Variants in LHFPL6 observed in about 807,000 individuals in gnomAD.
LHFPL6 encodes LHFPL tetraspan subfamily member 6 protein.
A neutral mutation model predicts 20.6 loss-of-function variants in LHFPL6; 9 were observed. That is an observed-to-expected ratio of 0.44 (90% confidence interval 0.26 to 0.76). The LOEUF (loss-of-function observed/expected upper bound fraction) is 0.76. Among genes scored for constraint, LHFPL6 ranks in the 30% least tolerant of loss-of-function variants. The pLI is 0.20. For synonymous variants in LHFPL6, 105 were observed against 98.7 expected (o/e 1.06, Z -0.38); for missense variants, 218 against 253.5 (o/e 0.86, Z 0.95).
At chr13:39,379,871 T>C (rs1309806726) in intron 2 of LHFPL6, among the ~76,000 whole-genome samples, 1 of 152,204 alleles carries the variant, frequency 6.6e-6, no homozygotes, top group Admixed American at 6.5e-5. Flanking sequence ...GCCATCTACT[T>C]GTGGGAGTGC....
intron 3 of LHFPL6, among the ~76,000 whole-genome samples, chr13:39,364,215 G>C (rs562018217): frequency 1.3e-5 from 2 of 152,322 alleles, no homozygotes; most frequent in Middle Eastern, 3.4e-3. Flanking sequence ...CAGAGAAACC[G>C]GCCCTGGAAG....
At chr13:39,519,625 A>C (rs9532390) in intron 2 of LHFPL6, among the ~76,000 whole-genome samples, 12,403 of 152,244 alleles carry the variant, frequency 0.081, 582 homozygotes, top group East Asian at 0.23. Flanking sequence ...TTCTTTTAAG[A>C]CAGCTAAAAT....
chr13:39,545,406 T>C (rs897873235), intron 2 of LHFPL6, among the ~76,000 whole-genome samples: 2 of 152,060 alleles, frequency 1.3e-5, no homozygotes, highest in Non-Finnish European at 2.9e-5. Context: ...TTTTACACCC[T>C]TGAATGCTGT....
intron 2 of LHFPL6, among the ~76,000 whole-genome samples, chr13:39,561,971 A>ACC (rs748308921): frequency 1.5e-4 from 23 of 152,336 alleles, no homozygotes; most frequent in South Asian, 4.1e-4. Flanking sequence ...CATAGTCAAT[A>ACC]ATTAGCAGGA....
intron 2 of LHFPL6, among the ~76,000 whole-genome samples, chr13:39,523,868 G>C (rs1395355916): frequency 6.6e-6 from 1 of 152,162 alleles, no homozygotes; most frequent in Non-Finnish European, 1.5e-5. Context: ...GAGGTTAATT[G>C]CATAGACGTT....
chr13:39,454,936 T>C (rs537068516), intron 2 of LHFPL6, among the ~76,000 whole-genome samples: 2 of 152,314 alleles, frequency 1.3e-5, no homozygotes, highest in East Asian at 3.9e-4. Flanking sequence ...TTATTGTAGA[T>C]TATAGAGTGT....
chr13:39,384,343 G>A (rs2138365023), intron 2 of LHFPL6, among the ~76,000 whole-genome samples: 1 of 152,310 alleles, frequency 6.6e-6, no homozygotes, highest in South Asian at 2.1e-4. Flanking sequence ...GTAGATTTCT[G>A]AAGAGGATAC....
chr13:39,503,861 C>T (rs1466656802), intron 2 of LHFPL6, among the ~76,000 whole-genome samples: 4 of 152,304 alleles, frequency 2.6e-5, no homozygotes, highest in Middle Eastern at 3.4e-3. Context: ...ATCAATTTCC[C>T]AGAATGTGCC....
At chr13:39,492,570 T>C (rs1288041052) in intron 2 of LHFPL6, among the ~76,000 whole-genome samples, 1 of 152,190 alleles carries the variant, frequency 6.6e-6, no homozygotes, top group East Asian at 1.9e-4. Context: ...GTGTTTCCTT[T>C]ATGCCTTTTT....
At chr13:39,373,058 T>C (rs1327634600) in intron 3 of LHFPL6, among the ~76,000 whole-genome samples, 1 of 152,180 alleles carries the variant, frequency 6.6e-6, no homozygotes, top group Non-Finnish European at 1.5e-5. Flanking sequence ...TCCGCCTGTA[T>C]AATACTTCCT....
chr13:39,348,136 T>A (rs1337629900), intron 3 of LHFPL6, among the ~76,000 whole-genome samples: 1 of 152,144 alleles, frequency 6.6e-6, no homozygotes, highest in East Asian at 1.9e-4. Flanking sequence ...GAGAAGTCAA[T>A]AAAATAGCAG....
At chr13:39,448,894 G>A (rs1872365671) in intron 2 of LHFPL6, among the ~76,000 whole-genome samples, 1 of 152,214 alleles carries the variant, frequency 6.6e-6, no homozygotes, top group African/African-American at 2.4e-5. Context: ...GCAATGAAAG[G>A]AACTTACTGG....
chr13:39,574,954 C>T (rs1872064670), intron 2 of LHFPL6, among the ~76,000 whole-genome samples: 1 of 152,100 alleles, frequency 6.6e-6, no homozygotes, highest in South Asian at 2.1e-4. Flanking sequence ...GCCGGTAATC[C>T]CAGCTACTCA....
chr13:39,414,790 G>GT (rs1163441650), intron 2 of LHFPL6, among the ~76,000 whole-genome samples: 1 of 150,156 alleles, frequency 6.7e-6, no homozygotes, highest in Non-Finnish European at 1.5e-5. Flanking sequence ...GGCAACTGAG[G>GT]TTTTTTCCTA....
At chr13:39,442,886 A>G (rs528395276) in intron 2 of LHFPL6, among the ~76,000 whole-genome samples, 3 of 152,066 alleles carry the variant, frequency 2.0e-5, no homozygotes, top group Non-Finnish European at 4.4e-5. Context: ...GCTGACCCTC[A>G]TGGCTCAGTT....
intron 2 of LHFPL6, among the ~76,000 whole-genome samples, chr13:39,484,348 A>G (rs766241574): frequency 3.9e-5 from 6 of 152,178 alleles, no homozygotes; most frequent in Admixed American, 2.6e-4. Flanking sequence ...GCTTGCCTCA[A>G]CTTTGGAGTC....
intron 2 of LHFPL6, among the ~76,000 whole-genome samples, chr13:39,426,643 C>T (rs369181791): frequency 3.5e-4 from 53 of 152,302 alleles, no homozygotes; most frequent in East Asian, 1.3e-3. Context: ...GGTTCACCCA[C>T]GGTGCACCAC....
intron 2 of LHFPL6, among the ~76,000 whole-genome samples, chr13:39,411,440 C>A: frequency 6.6e-6 from 1 of 152,200 alleles, no homozygotes; most frequent in East Asian, 1.9e-4. Flanking sequence ...AAGTGAGGTG[C>A]TTTTTGAAAT....
intron 2 of LHFPL6, among the ~76,000 whole-genome samples, chr13:39,414,097 T>C (rs189587591): frequency 6.6e-6 from 1 of 152,330 alleles, no homozygotes; most frequent in Non-Finnish European, 1.5e-5. Context: ...CAGTGTTTGA[T>C]TGCTCAAAAA....
Sources: allele counts gnomAD v4.1 joint callset (sites outside exome capture counted in the v4.1 genomes callset), GRCh38; gene constraint gnomAD v4.1.1; transcripts MANE v1.5; gene names NCBI Gene and HGNC (gene_info 2026-07-23, HGNC 2026-07-21).